Variants in CASP9 observed in about 807,000 individuals in gnomAD.
CASP9 encodes the protein caspase-9.
Under a neutral mutation model 43.5 loss-of-function variants are expected in CASP9, and 29 were observed. The ratio of observed to expected loss-of-function variants is 0.67; its 90% CI spans 0.50 to 0.91. The LOEUF (loss-of-function observed/expected upper bound fraction) is 0.91. Among genes scored for constraint, CASP9 ranks in the 40% least tolerant of loss-of-function variants. The pLI is 0.00. For missense variants in CASP9, 575 were observed against 537.4 expected, an observed-to-expected ratio of 1.07 and a Z score of -0.69; for synonymous variants, 206 against 211.9, an observed-to-expected ratio of 0.97 and a Z score of 0.24.
At chr1:15,502,226 A>T (rs1300926320) in intron 6 of CASP9, among the ~76,000 whole-genome samples, 1 of 152,164 alleles carries the variant, frequency 6.6e-6, no homozygotes, top group East Asian at 1.9e-4. Flanking sequence ...GGAGGGACAG[A>T]GGCTGCAGGA....
chr1:15,491,761 A>C lies in CASP9; in HGVS notation c.*1182T>G, dbSNP rs1355012469. 5.8e-6 allele frequency: 1 copy of C among 171,550 alleles called. No homozygotes were observed. The highest frequency in any genetic ancestry group is 1.3e-5 in the Non-Finnish European group (1 of 78,996). The allele number at this position is 171,550 out of a possible 1,614,324, so 10.6% of individuals were successfully genotyped here. On this transcript the variant is annotated 3_prime_UTR_variant, in exon 9 of 9. Transcript: ENST00000333868. ...CGACAGAGTGAGACCCTATCTCCAAAAAAAAAGGCCCAAAAAACAAGAAAT... is the reference window on the plus strand; with the variant it reads ...CGACAGAGTGAGACCCTATCTCCAACAAAAAAGGCCCAAAAAACAAGAAAT...
rs529552634 is a variant in CASP9 at position 15,497,927 on chromosome 1, T to C, written c.869-2475A>G. ...CAAAGCTACAGTAATCAAAACAGTA[T>C]GGTACTGGCATAAAGACAGACATAG... On this transcript the variant is annotated intron_variant, in intron 6 of 8. Transcript: ENST00000333868. Among the ~76,000 whole-genome samples, 15 of 152,284 alleles carry C rather than the reference T, an allele frequency of 9.9e-5. No individual in the cohort carries two copies. In the South Asian group the frequency reaches 2.9e-3, roughly 29 times the overall value.
At chr1:15,523,290 T>C (rs1339341609) in intron 1 of CASP9, among the ~76,000 whole-genome samples, 1 of 152,228 alleles carries the variant, frequency 6.6e-6, no homozygotes, top group African/African-American at 2.4e-5. Context: ...TTCACATCCG[T>C]TATTTCATTT....
chr1:15,518,350 T>C lies in CASP9; in HGVS notation c.178A>G (p.Ile60Val), dbSNP rs200592766. The change falls in exon 2 of 9, where the codon ATA becomes GTA. Residue 60 changes from isoleucine (I) to valine (V), a missense_variant. Ile to Val is a conservative substitution (Grantham distance 29). Transcript: ENST00000333868. ...SRRDQARQLIIDLETRGSQAL... is the reference protein window; with the variant it reads ...SRRDQARQLIVDLETRGSQAL... ...TGACTCCCTCGAGTCTCCAGATCTA[T>C]GATCAGCTGCCTGGCCTGATCCCGC... 6 of 1,614,060 alleles carry C rather than the reference T, an allele frequency of 3.7e-6. No homozygotes were observed. The highest frequency in any genetic ancestry group is 5.1e-6 in the Non-Finnish European group (6 of 1,180,024).
intron 3 of CASP9, 157 bp downstream of exon 3, chr1:15,507,716 G>T: frequency 1.5e-6 from 1 of 681,162 alleles, no homozygotes; most frequent in East Asian, 2.5e-5. Flanking sequence ...CCCAGCAGGC[G>T]CTGGGCCGGA....
chr1:15,507,945 G>C (rs371366414), intron 2 of CASP9, 38 bp from the exon 3 acceptor site: 1 of 1,612,264 alleles, frequency 6.2e-7, no homozygotes, highest in African/African-American at 1.3e-5. Flanking sequence ...TGAATGTTGG[G>C]TTACAGCAGA....
At chr1:15,494,564 CA>C (rs34522526) in intron 7 of CASP9, among the ~76,000 whole-genome samples, 39,892 of 97,064 alleles carry the variant, frequency 0.41, 5,893 homozygotes, top group East Asian at 0.63. Flanking sequence ...GACTCCGTCT[CA>C]AAAAAAAAAA....
intron 2 of CASP9, among the ~76,000 whole-genome samples, chr1:15,516,481 TAA>T (rs61079693): frequency 2.0e-5 from 3 of 148,424 alleles, no homozygotes; most frequent in Non-Finnish European, 3.0e-5. Flanking sequence ...TTGCCTCAAT[TAA>T]AAAAAAAAAA....
At chr1:15,513,441 A>C (rs2103364671) in intron 2 of CASP9, among the ~76,000 whole-genome samples, 1 of 152,294 alleles carries the variant, frequency 6.6e-6, no homozygotes, top group African/African-American at 2.4e-5. Context: ...ATCACGTCTG[A>C]AACTAAGAAA....
chr1:15,504,321 C>T (rs1205781707), intron 6 of CASP9, among the ~76,000 whole-genome samples: 3 of 152,250 alleles, frequency 2.0e-5, no homozygotes, highest in African/African-American at 7.2e-5. Context: ...GAGGTTTCTC[C>T]TCTCTCTTCT....
At chr1:15,509,339 G>GTT (rs1445117058) in intron 2 of CASP9, among the ~76,000 whole-genome samples, 2 of 151,780 alleles carry the variant, frequency 1.3e-5, no homozygotes, top group African/African-American at 4.8e-5. Context: ...AATGTGCTGC[G>GTT]TAAGGCCAGG....
intron 2 of CASP9, among the ~76,000 whole-genome samples, chr1:15,512,324 G>A (rs184330927): frequency 6.6e-6 from 1 of 152,324 alleles, no homozygotes; most frequent in East Asian, 1.9e-4. Context: ...GTGTTTTGGG[G>A]ATGAGAATGG....
chr1:15,492,244 C>T lies in CASP9; in HGVS notation c.*699G>A, dbSNP rs1220931395. On this transcript the variant is annotated 3_prime_UTR_variant, in exon 9 of 9. Transcript: ENST00000333868. ...TGTAAGGAAGAAGAAAGAGTTGGAG[C>T]AAAATGAGGGAAGAAATAGGCAAAA... is the stretch of plus-strand genomic sequence containing the variant. 1 of 152,030 alleles carries T rather than the reference C, an allele frequency of 6.6e-6. No homozygotes were observed. The highest frequency in any genetic ancestry group is 1.5e-5 in the Non-Finnish European group (1 of 68,014). The allele number at this position is 152,030 out of a possible 1,614,324, so 9.4% of individuals were successfully genotyped here. A position where few individuals can be genotyped will look rare whatever the true frequency, so the allele number is the denominator to read the frequency against.
chr1:15,524,058 C>CCGGGGCG lies in CASP9; in HGVS notation c.132+10_132+11insCGCCCCG. 1 of 1,481,820 alleles carries CCGGGGCG rather than the reference C, an allele frequency of 6.7e-7. No homozygotes were observed. The highest frequency in any genetic ancestry group is 9.0e-7 in the Non-Finnish European group (1 of 1,116,156). 91.8% of individuals were successfully genotyped at this position (1,481,820 alleles called of 1,614,324 possible). The stretch of plus-strand genomic sequence containing the variant: ...GCCGTGCAGCGCGGGGACAGGGGGC[C>CCGGGGCG]GGGGGCGCACCTGGATGTCCTCGAT... On this transcript the variant is annotated intron_variant, in intron 1 of 8. Coordinates refer to ENST00000333868, the MANE Select transcript of CASP9 (RefSeq NM_001229.5).
At chr1:15,494,525 A>G (rs1439276492) in intron 7 of CASP9, among the ~76,000 whole-genome samples, 1 of 148,950 alleles carries the variant, frequency 6.7e-6, no homozygotes, top group African/African-American at 2.5e-5. Context: ...AGATCATGCT[A>G]CTGAACTCCA....
At chr1:15,493,673 G>A (rs1708979825) in intron 8 of CASP9, 5 of 1,452,900 alleles carry the variant, frequency 3.4e-6, no homozygotes, top group East Asian at 5.0e-5. Flanking sequence ...GGAGGAGACA[G>A]GGAAGGCAAC....
chr1:15,513,010 A>G (rs867502460), intron 2 of CASP9, among the ~76,000 whole-genome samples: 9 of 151,936 alleles, frequency 5.9e-5, no homozygotes, highest in African/African-American at 1.9e-4. Context: ...AATACAAAAA[A>G]ATTAGCTGGG....
Position 15,492,362 on chromosome 1 carries a change from T to C in CASP9, c.*581A>G, listed in dbSNP as rs1441169178. 6.6e-6 allele frequency: 1 copy of C among 152,282 alleles called. No homozygotes were observed. The highest frequency in any genetic ancestry group is 1.5e-5 in the Non-Finnish European group (1 of 68,110). The allele number at this position is 152,282 out of a possible 1,614,324, so 9.4% of individuals were successfully genotyped here. On this transcript the variant is annotated 3_prime_UTR_variant, in exon 9 of 9. Transcript: ENST00000333868. ...TAAAATTTCACTTAGAATTCATAGATTACAGCTGTTCAGACTCTAGTAGGC... is the reference window on the plus strand; with the variant it reads ...TAAAATTTCACTTAGAATTCATAGACTACAGCTGTTCAGACTCTAGTAGGC...
At position 15,504,726 on chromosome 1, in the gene CASP9, G is replaced by A. The variant is rs141333262; in HGVS notation, c.753C>T (p.Tyr251=). 2.4e-5 allele frequency: 38 copies of A among 1,613,990 alleles called. No homozygotes were observed. Among genetic ancestry groups the A allele is most frequent in the African/African-American group, 5.3e-5 (4 of 74,926 alleles). ...CCGACACAGGGCATCCATCTGTGCCGTAGACAGCCCCTGGGAACTGCAGGT... is the reference window on the plus strand; with the variant it reads ...CCGACACAGGGCATCCATCTGTGCCATAGACAGCCCCTGGGAACTGCAGGT... The part of the protein sequence containing the change: ...ASHLQFPGAV[Y]GTDGCPVSVE... Residue 251 remains tyrosine, a synonymous_variant, in exon 6 of 9, where the codon TAC becomes TAT. Transcript: ENST00000333868.
Sources: gnomAD v4.1 joint callset for allele counts (sites outside exome capture counted in the v4.1 genomes callset) on GRCh38, gnomAD v4.1.1 for gene constraint, MANE v1.5 for transcripts, NCBI Gene and HGNC (gene_info 2026-07-23, HGNC 2026-07-21) for gene names.